UBE3A: variants seen among roughly 807,000 people sequenced by gnomAD.
UBE3A encodes the protein ubiquitin-protein ligase E3A.
Under a neutral mutation model 83.4 loss-of-function variants are expected in UBE3A, and 6 were observed. That is an observed-to-expected ratio of 0.07 (90% CI 0.04 to 0.14). UBE3A has a LOEUF of 0.14. UBE3A is among the 10% of genes least tolerant of loss of function. UBE3A has a pLI of 1.00. For missense variants in UBE3A, 456 were observed against 1,036.1 expected, an observed-to-expected ratio of 0.44 and a Z score of 7.69; for synonymous variants, 337 against 355.4, an observed-to-expected ratio of 0.95 and a Z score of 0.58.
At chr15:25,424,174 T>A (rs1460017970) in intron 1 of UBE3A, among the ~76,000 whole-genome samples, 1 of 152,082 alleles carries the variant, frequency 6.6e-6, no homozygotes, top group East Asian at 1.9e-4. Context: ...GTACCCTCCA[T>A]TCTCTCTATT....
chr15:25,366,907 TA>T (rs1338919529), intron 6 of UBE3A, among the ~76,000 whole-genome samples: 2 of 152,062 alleles, frequency 1.3e-5, no homozygotes, highest in Non-Finnish European at 2.9e-5. Flanking sequence ...ATACAGCTTC[TA>T]ATCTAAACCT....
chr15:25,379,567 C>A (rs1256263149), intron 4 of UBE3A, among the ~76,000 whole-genome samples: 3 of 152,124 alleles, frequency 2.0e-5, no homozygotes, highest in Non-Finnish European at 4.4e-5. Flanking sequence ...TTCCTCACTC[C>A]AATGACACCT....
intron 6 of UBE3A, among the ~76,000 whole-genome samples, chr15:25,362,902 A>G (rs926624819): frequency 7.2e-5 from 11 of 152,058 alleles, no homozygotes; most frequent in Admixed American, 1.3e-4. Flanking sequence ...CAAAGTGGGG[A>G]AAAAAAAGGT....
intron 11 of UBE3A, among the ~76,000 whole-genome samples, chr15:25,342,120 G>A (rs12901934): frequency 0.11 from 17,384 of 151,970 alleles, 1,050 homozygotes; most frequent in Middle Eastern, 0.23. Flanking sequence ...GAGAGGAATC[G>A]GACCCCAGTT....
rs1895888081 is a variant in UBE3A at position 25,438,567 on chromosome 15, A to C, written c.-243T>G. On this transcript the variant is annotated 5_prime_UTR_variant, in exon 1 of 13. Coordinates refer to ENST00000648336, the MANE Select transcript of UBE3A (RefSeq NM_130839.5). ...CCCTCGCCCGCCGCCTCCGCCCGCC[A>C]CCGCCTCGTTCTCTTTCGCTGCCGC... The C allele has an allele frequency of 6.5e-6, 1 of 153,586 alleles. No homozygotes were observed. The highest frequency in any genetic ancestry group is 1.5e-5 in the Non-Finnish European group (1 of 68,780). The allele number at this position is 153,586 out of a possible 1,614,324, so 9.5% of individuals were successfully genotyped here.
At chr15:25,375,996 T>C (rs1356108060) in intron 4 of UBE3A, among the ~76,000 whole-genome samples, 1 of 152,018 alleles carries the variant, frequency 6.6e-6, no homozygotes, top group Non-Finnish European at 1.5e-5. Flanking sequence ...CTGACTGTAT[T>C]AACAGAGTAT....
At chr15:25,404,777 T>C (rs997272137) in intron 4 of UBE3A, among the ~76,000 whole-genome samples, 1 of 152,232 alleles carries the variant, frequency 6.6e-6, no homozygotes, top group African/African-American at 2.4e-5. Context: ...AGCTAGTTTA[T>C]GATCTAAAAG....
chr15:25,417,288 C>T (rs988281307), intron 1 of UBE3A, among the ~76,000 whole-genome samples: 2 of 152,028 alleles, frequency 1.3e-5, no homozygotes, highest in African/African-American at 4.8e-5. Context: ...TAGACAAACT[C>T]CAATGTAGCC....
chr15:25,387,094 A>T (rs1293221810), intron 4 of UBE3A, among the ~76,000 whole-genome samples: 1 of 152,254 alleles, frequency 6.6e-6, no homozygotes, highest in African/African-American at 2.4e-5. Flanking sequence ...ATGCTCCTAA[A>T]CTTACTTATT....
intron 1 of UBE3A, among the ~76,000 whole-genome samples, chr15:25,422,450 G>C (rs973221355): frequency 6.6e-6 from 1 of 151,972 alleles, no homozygotes; most frequent in Non-Finnish European, 1.5e-5. Context: ...TTCAAAGTTT[G>C]TGAGAACTTA....
chr15:25,373,840 CTG>C (rs2080730976), intron 5 of UBE3A: 1 of 152,098 alleles, frequency 6.6e-6, no homozygotes, highest in African/African-American at 2.4e-5. Context: ...TCAAAAAACA[CTG>C]TAATTAGATA....
In UBE3A at chr15:25,405,447, C is replaced by G. The variant is rs751001423; in HGVS notation, c.62+14G>C. ...TCAAAATAAGAACCACAGTCTCAAC[C>G]AAGTTACACTTACATTCGGCTAGCT... On this transcript the variant is annotated intron_variant, in intron 4 of 12. Transcript: ENST00000648336. The G allele has an allele frequency of 7.4e-6, 12 of 1,613,662 alleles. No homozygotes were observed. The Admixed American group carries it at 2.0e-4, about 27-fold the overall frequency.
intron 4 of UBE3A, among the ~76,000 whole-genome samples, chr15:25,398,781 A>ATATAATATATATATATATATTCTTTTATT (rs2086253270): frequency 5.8e-4 from 15 of 25,784 alleles, no homozygotes; most frequent in African/African-American, 2.3e-3. Context: ...TTATATATAT[A>ATATAATATATATATATATATTCTTTTATT]TATATATATA....
In UBE3A at chr15:25,436,372, T is replaced by C. The variant is rs117542301; in HGVS notation, c.-165+2117A>G. On this transcript the variant is annotated intron_variant, in intron 1 of 12. Transcript: ENST00000648336. ...CACAATTATAAGTCTAAACAAAATATGTGTAACATGATTGGAGAACATAAC... is the reference window on the plus strand; with the variant it reads ...CACAATTATAAGTCTAAACAAAATACGTGTAACATGATTGGAGAACATAAC... Among the ~76,000 whole-genome samples, 90 of 152,356 alleles carry C rather than the reference T, an allele frequency of 5.9e-4. 1 individual carries two copies. In the East Asian group the frequency reaches 0.017, roughly 29 times the overall value.
chr15:25,408,609 TG>T (rs2089257943), intron 3 of UBE3A: 1 of 1,613,782 alleles, frequency 6.2e-7, no homozygotes, highest in Non-Finnish European at 8.5e-7. Flanking sequence ...CAAATTCAAA[TG>T]GTGGCTCACT....
intron 5 of UBE3A, chr15:25,374,048 T>C (rs1032680405): frequency 1.3e-5 from 2 of 152,064 alleles, no homozygotes; most frequent in Admixed American, 6.6e-5. Flanking sequence ...TTAACAAACA[T>C]AATTAATAAT....
At chr15:25,386,691 C>T (rs993732228) in intron 4 of UBE3A, among the ~76,000 whole-genome samples, 6 of 149,548 alleles carry the variant, frequency 4.0e-5, no homozygotes, top group Non-Finnish European at 7.4e-5. Flanking sequence ...GAAAAAAATC[C>T]GAAGTAAGCC....
intron 4 of UBE3A, among the ~76,000 whole-genome samples, chr15:25,377,392 G>A (rs2081391249): frequency 6.6e-6 from 1 of 152,146 alleles, no homozygotes; most frequent in South Asian, 2.1e-4. Flanking sequence ...TGTAAAAATT[G>A]CATAAACATG....
At chr15:25,427,064 A>G (rs576055526) in intron 1 of UBE3A, among the ~76,000 whole-genome samples, 1 of 152,242 alleles carries the variant, frequency 6.6e-6, no homozygotes, top group East Asian at 1.9e-4. Flanking sequence ...TTGAGCTGTT[A>G]TTATCAACTG....
Sources: allele counts gnomAD v4.1 joint callset (sites outside exome capture counted in the v4.1 genomes callset), GRCh38; gene constraint gnomAD v4.1.1; transcripts MANE v1.5; gene names NCBI Gene and HGNC (gene_info 2026-07-23, HGNC 2026-07-21).